Variants in BCL2 observed in about 807,000 individuals in gnomAD.
BCL2 encodes BCL2 apoptosis regulator, also known as apoptosis regulator Bcl-2.
A neutral mutation model predicts 14.2 loss-of-function variants in BCL2; 1 was observed. The ratio of observed to expected loss-of-function variants is 0.07; its 90% CI spans 0.02 to 0.33. The LOEUF is 0.33. BCL2 is among the 10% of genes least tolerant of loss of function. BCL2 has a pLI of 0.99. For missense variants in BCL2, 247 were observed against 305.9 expected (o/e 0.81, Z 1.44); for synonymous variants, 151 against 137.2 (o/e 1.10, Z -0.70).
chr18:63,135,997 C>T lies in BCL2; in HGVS notation c.586-7238G>A, dbSNP rs112088186. Among the ~76,000 whole-genome samples, 459 of 152,172 alleles carry T rather than the reference C, an allele frequency of 3.0e-3. 4 individuals carry two copies. Among genetic ancestry groups the T allele is most frequent in the African/African-American group, 0.01 (427 of 41,508 alleles). Reference sequence around the variant, plus strand: ...TATCTTAGTAGGTGCTCTGATGCCCCGGACACCAAGACCACTGAGGGTCTT... The same window carrying T: ...TATCTTAGTAGGTGCTCTGATGCCCTGGACACCAAGACCACTGAGGGTCTT... On this transcript the variant is annotated intron_variant, in intron 2 of 2. Transcript: ENST00000333681.
intron 2 of BCL2, among the ~76,000 whole-genome samples, chr18:63,248,603 A>G (rs1911217967): frequency 6.6e-6 from 1 of 152,230 alleles, no homozygotes; most frequent in African/African-American, 2.4e-5. Flanking sequence ...TAATACCATT[A>G]TAAGAGCTTC....
In BCL2 at chr18:63,149,843, G is replaced by A. The variant is rs1020981434; in HGVS notation, c.586-21084C>T. 3.4e-5 allele frequency among the ~76,000 whole-genome samples: 5 copies of A among 148,716 alleles called. No homozygotes were observed. The highest frequency in any genetic ancestry group is 5.9e-5 in the Non-Finnish European group (4 of 67,334). On this transcript the variant is annotated intron_variant, in intron 2 of 2. Transcript: ENST00000333681. The surrounding 1 kb of genome is among the most constrained non-coding windows in gnomAD (Gnocchi z 4.2). ...ACAGAAAGGGTTCTCCTGACATGAGGCATTTATTTATTTATTTATTTATTT... is the reference window on the plus strand; with the variant it reads ...ACAGAAAGGGTTCTCCTGACATGAGACATTTATTTATTTATTTATTTATTT...
chr18:63,169,373 T>TTCTTTCTTTCTTTCTTTCTTTCTTTC lies in BCL2; in HGVS notation c.586-40615_586-40614insGAAAGAAAGAAAGAAAGAAAGAAAGA, dbSNP rs1568222722. Among the ~76,000 whole-genome samples, 146 of 78,272 alleles carry TTCTTTCTTTCTTTCTTTCTTTCTTTC rather than the reference T, an allele frequency of 1.9e-3. 8 individuals carry two copies. Among genetic ancestry groups the TTCTTTCTTTCTTTCTTTCTTTCTTTC allele is most frequent in the Middle Eastern group, 0.011 (2 of 182 alleles). The allele number at this position is 78,272 out of a possible 152,430, so 51.3% of individuals were successfully genotyped here. A position where few individuals can be genotyped will look rare whatever the true frequency, so the allele number is the denominator to read the frequency against. On this transcript the variant is annotated intron_variant, in intron 2 of 2. Coordinates refer to ENST00000333681, the MANE Select transcript of BCL2 (RefSeq NM_000633.3). ...TCTTTCTTTCTTTCTTTCTTTCTCT[T>TTCTTTCTTTCTTTCTTTCTTTCTTTC]TCTTTCTTTCTTTCTTTTTCTTTCT...
At chr18:63,267,644 T>C (rs1157307735) in intron 2 of BCL2, among the ~76,000 whole-genome samples, 4 of 152,174 alleles carry the variant, frequency 2.6e-5, no homozygotes, top group Non-Finnish European at 5.9e-5. Context: ...GCTAGCTACA[T>C]GTGTCTGAAT....
At chr18:63,158,185 G>C (rs1914832243) in intron 2 of BCL2, among the ~76,000 whole-genome samples, 1 of 152,146 alleles carries the variant, frequency 6.6e-6, no homozygotes, top group African/African-American at 2.4e-5. Context: ...AGCTGGAGGA[G>C]CAGACTGAAA....
chr18:63,315,845 G>A (rs1365028873), intron 2 of BCL2: 1 of 152,008 alleles, frequency 6.6e-6, no homozygotes, highest in African/African-American at 2.4e-5. Flanking sequence ...TGTCCTATGA[G>A]TGCATTTCCT....
rs1489156661 is a variant in BCL2 at position 63,212,209 on chromosome 18, C to A, written c.586-83450G>T. On this transcript the variant is annotated intron_variant, in intron 2 of 2. Transcript: ENST00000333681. The stretch of plus-strand genomic sequence containing the variant: ...GGCGTGGTGGCGGGCGCCTGTAGTC[C>A]CAGCTACTCGGGAGGCTGAGGCGAG... Among the ~76,000 whole-genome samples, 2 of 151,316 alleles carry A rather than the reference C, an allele frequency of 1.3e-5. 1 individual carries two copies. Among genetic ancestry groups the A allele is most frequent in the Non-Finnish European group, 3.0e-5 (2 of 67,672 alleles).
intron 2 of BCL2, among the ~76,000 whole-genome samples, chr18:63,169,505 T>TTTCTCTTCTC (rs897346516): frequency 7.3e-6 from 1 of 136,854 alleles, no homozygotes; most frequent in Non-Finnish European, 1.6e-5. Context: ...CTCTCTTTCT[T>TTTCTCTTCTC]TTCTCTTCTC....
intron 2 of BCL2, among the ~76,000 whole-genome samples, chr18:63,170,571 TG>T (rs1915198690): frequency 6.6e-6 from 1 of 152,236 alleles, no homozygotes; most frequent in Non-Finnish European, 1.5e-5. Flanking sequence ...CCACTAACAC[TG>T]TGAGATGCAA....
intron 2 of BCL2, among the ~76,000 whole-genome samples, chr18:63,238,265 A>ATG (rs1910896123): frequency 6.6e-6 from 1 of 152,204 alleles, no homozygotes; most frequent in Non-Finnish European, 1.5e-5. Context: ...AAGGCCTGTG[A>ATG]ACGGCATCCC....
At chr18:63,254,334 T>C (rs886985445) in intron 2 of BCL2, among the ~76,000 whole-genome samples, 21 of 131,116 alleles carry the variant, frequency 1.6e-4, no homozygotes, top group South Asian at 7.1e-4. Flanking sequence ...TCACTTGAGG[T>C]CAGGAGTTCA....
chr18:63,280,908 CATT>C, intron 2 of BCL2, among the ~76,000 whole-genome samples: 1 of 152,282 alleles, frequency 6.6e-6, no homozygotes, highest in Non-Finnish European at 1.5e-5. Flanking sequence ...GCATTATTCA[CATT>C]AGTCCAAAAG....
intron 2 of BCL2, among the ~76,000 whole-genome samples, chr18:63,265,128 A>G (rs575526958): frequency 3.2e-4 from 48 of 152,290 alleles, no homozygotes; most frequent in African/African-American, 1.1e-3. Flanking sequence ...TAAACAGTGA[A>G]GCAATCAAAG....
intron 2 of BCL2, among the ~76,000 whole-genome samples, chr18:63,276,020 G>C (rs1034933321): frequency 2.0e-5 from 3 of 152,240 alleles, no homozygotes; most frequent in African/African-American, 7.2e-5. Context: ...TTATTGTAAA[G>C]GGTTTAGGGC....
chr18:63,243,962 G>A lies in BCL2; in HGVS notation c.585+74120C>T, dbSNP rs972887971. Among the ~76,000 whole-genome samples, 9 of 152,234 alleles carry A rather than the reference G, an allele frequency of 5.9e-5. No individual in the cohort carries two copies. In the East Asian group the frequency reaches 1.3e-3, roughly 23 times the overall value. ...CTCTCAAGATTTCTAGAAGTTTCGC[G>A]GCCGGGTGCAGTGGCTCACGCCTGT... On this transcript the variant is annotated intron_variant, in intron 2 of 2. Transcript: ENST00000333681.
intron 2 of BCL2, among the ~76,000 whole-genome samples, chr18:63,150,627 G>A (rs2144607566): frequency 6.6e-6 from 1 of 152,220 alleles, no homozygotes; most frequent in African/African-American, 2.4e-5. Flanking sequence ...CCATGAACAT[G>A]CCACAAGTTC....
intron 2 of BCL2, among the ~76,000 whole-genome samples, chr18:63,176,946 C>T (rs556968365): frequency 4.9e-4 from 74 of 149,538 alleles, no homozygotes; most frequent in African/African-American, 1.4e-3. Context: ...GACAGGGTCT[C>T]ACTCCCATCT....
intron 1 of BCL2, 53 bp downstream of exon 1, chr18:63,319,121 A>C: frequency 2.0e-6 from 2 of 979,472 alleles, no homozygotes; most frequent in Non-Finnish European, 2.5e-6. Context: ...AAAAAATCTC[A>C]AAGGTTTCCA....
At position 63,271,760 on chromosome 18, in the gene BCL2, A is replaced by G. The variant is rs34298527; in HGVS notation, c.585+46322T>C. ...CAAGCTAGCATTTCAGTTCAACAAA[A>G]GGTTTTGGACATCATCTTGGGGTCT... On this transcript the variant is annotated intron_variant, in intron 2 of 2. Coordinates refer to ENST00000333681, the MANE Select transcript of BCL2 (RefSeq NM_000633.3). 9.5e-3 allele frequency among the ~76,000 whole-genome samples: 1,444 copies of G among 152,326 alleles called. 11 individuals carry two copies. Among genetic ancestry groups the G allele is most frequent in the Middle Eastern group, 0.02 (6 of 294 alleles).
Sources: gnomAD v4.1 joint callset for allele counts (sites outside exome capture counted in the v4.1 genomes callset) on GRCh38, gnomAD v4.1.1 for gene constraint, Gnocchi (gnomAD v3.1) non-coding constraint, MANE v1.5 for transcripts, NCBI Gene and HGNC (gene_info 2026-07-23, HGNC 2026-07-21) for gene names.